Variants in RHOBTB3 observed in about 807,000 individuals in gnomAD.
The protein encoded by RHOBTB3 is Rho related BTB domain containing 3.
A neutral mutation model predicts 67.2 loss-of-function variants in RHOBTB3; 47 were observed. The ratio of observed to expected loss-of-function variants is 0.70; its 90% confidence interval spans 0.55 to 0.89. The LOEUF is 0.89. Ranked by LOEUF, RHOBTB3 falls within the 40% of genes least tolerant of loss-of-function variation. The probability of loss-of-function intolerance (pLI) is 0.00; values close to 1 mark genes in which losing one functional copy is unlikely to be tolerated. For missense variants in RHOBTB3, 631 were observed against 750.0 expected, an observed-to-expected ratio of 0.84 and a Z score of 1.85; for synonymous variants, 273 against 274.2, an observed-to-expected ratio of 1.00 and a Z score of 0.04.
chr5:95,763,464 C>A (rs759748932), intron 6 of RHOBTB3, 44 bp from the exon 7 acceptor site: 1 of 1,109,798 alleles, frequency 9.0e-7, no homozygotes, highest in Non-Finnish European at 1.4e-6. Flanking sequence ...TTTGTTACTT[C>A]CTCATTTAAC....
At chr5:95,741,881 A>C (rs1755612051) in intron 3 of RHOBTB3, among the ~76,000 whole-genome samples, 1 of 152,072 alleles carries the variant, frequency 6.6e-6, no homozygotes, top group South Asian at 2.1e-4. Context: ...TCTGCTCCCA[A>C]ATTTTTCTCT....
At chr5:95,785,750 A>G (rs1237044884) in intron 10 of RHOBTB3, among the ~76,000 whole-genome samples, 2 of 152,190 alleles carry the variant, frequency 1.3e-5, no homozygotes, top group East Asian at 3.9e-4. Context: ...TCATTTTCAT[A>G]CTATTCTAAC....
At chr5:95,764,031 A>G (rs2112809786) in intron 7 of RHOBTB3, among the ~76,000 whole-genome samples, 1 of 152,184 alleles carries the variant, frequency 6.6e-6, no homozygotes, top group Non-Finnish European at 1.5e-5. Flanking sequence ...GCTAGTCTCA[A>G]ACTCCTGGGC....
At chr5:95,770,407 T>C (rs1745674601) in intron 8 of RHOBTB3, 1 of 232,370 alleles carries the variant, frequency 4.3e-6, no homozygotes, top group Non-Finnish European at 9.0e-6. Flanking sequence ...ATAGAAATTA[T>C]TAAAAGAATA....
intron 3 of RHOBTB3, 147 bp downstream of exon 3, chr5:95,737,222 T>G: frequency 1.7e-6 from 1 of 574,708 alleles, no homozygotes; most frequent in Non-Finnish European, 3.0e-6. Context: ...CTTCATCATT[T>G]GATACGATAA....
chr5:95,729,866 T>A (rs893321165), upstream of RHOBTB3, among the ~76,000 whole-genome samples: 3 of 152,252 alleles, frequency 2.0e-5, no homozygotes, highest in Non-Finnish European at 4.4e-5. Flanking sequence ...TTTTAAACGC[T>A]AATCATCCAT....
chr5:95,771,896 A>G (rs1288368634), intron 8 of RHOBTB3, among the ~76,000 whole-genome samples: 1 of 152,210 alleles, frequency 6.6e-6, no homozygotes, highest in Non-Finnish European at 1.5e-5. Flanking sequence ...GACTACATCC[A>G]TTGTTAAGAA....
At chr5:95,738,493 C>T (rs1755512028) in intron 3 of RHOBTB3, among the ~76,000 whole-genome samples, 2 of 152,132 alleles carry the variant, frequency 1.3e-5, no homozygotes, top group Non-Finnish European at 2.9e-5. Flanking sequence ...GGACTCTGCC[C>T]TCGTAAATGG....
chr5:95,777,370 G>A (rs1021477988), intron 8 of RHOBTB3, among the ~76,000 whole-genome samples: 1 of 152,136 alleles, frequency 6.6e-6, no homozygotes, highest in African/African-American at 2.4e-5. Context: ...AAAGATTCTT[G>A]ATAATCTATG....
intron 8 of RHOBTB3, among the ~76,000 whole-genome samples, chr5:95,773,209 C>T (rs146684019): frequency 6.6e-6 from 1 of 152,304 alleles, no homozygotes; most frequent in Admixed American, 6.5e-5. Context: ...ATGATTCTAC[C>T]TACTGTAGGC....
intron 6 of RHOBTB3, among the ~76,000 whole-genome samples, chr5:95,760,436 A>G (rs903170409): frequency 3.9e-5 from 6 of 152,170 alleles, no homozygotes; most frequent in Non-Finnish European, 7.3e-5. Context: ...TTTAGCTTTG[A>G]GCTCTTCCTG....
chr5:95,784,612 G>A (rs569001862), intron 10 of RHOBTB3, among the ~76,000 whole-genome samples: 2 of 152,192 alleles, frequency 1.3e-5, no homozygotes, highest in East Asian at 3.9e-4. Context: ...GGGTGGGGGA[G>A]TTACATAATT....
chr5:95,783,105 T>TTTTTA (rs1165465013), intron 9 of RHOBTB3, among the ~76,000 whole-genome samples: 1 of 150,708 alleles, frequency 6.6e-6, no homozygotes, highest in Non-Finnish European at 1.5e-5. Context: ...TATTTATTTA[T>TTTTTA]TTTTATTTTA....
intron 9 of RHOBTB3, chr5:95,782,476 T>C (rs1017480310): frequency 1.3e-5 from 2 of 152,248 alleles, no homozygotes; most frequent in Middle Eastern, 3.4e-3. Flanking sequence ...TGCACAGCAG[T>C]GTGAATGTAC....
intron 6 of RHOBTB3, among the ~76,000 whole-genome samples, chr5:95,756,679 T>G (rs765276772): frequency 6.6e-6 from 1 of 152,192 alleles, no homozygotes; most frequent in Non-Finnish European, 1.5e-5. Context: ...CTGTTTATTT[T>G]TTTTAATAGT....
chr5:95,777,022 T>C (rs994418110), intron 8 of RHOBTB3, among the ~76,000 whole-genome samples: 1 of 152,204 alleles, frequency 6.6e-6, no homozygotes, highest in East Asian at 1.9e-4. Flanking sequence ...TCCCCTGTAA[T>C]AGGTGATCCT....
At chr5:95,755,826 G>T in intron 6 of RHOBTB3, 65 bp downstream of exon 6, 1 of 1,536,876 alleles carries the variant, frequency 6.5e-7, no homozygotes, top group South Asian at 1.2e-5. Context: ...ATGTGCCTGT[G>T]ACACTCAAGG....
intron 3 of RHOBTB3, among the ~76,000 whole-genome samples, chr5:95,747,203 G>C (rs1188110593): frequency 6.6e-6 from 1 of 152,158 alleles, no homozygotes; most frequent in African/African-American, 2.4e-5. Flanking sequence ...ATACAGCTCA[G>C]CTACCTCCTT....
intron 3 of RHOBTB3, among the ~76,000 whole-genome samples, chr5:95,740,494 G>A (rs1286072944): frequency 6.6e-6 from 1 of 152,210 alleles, no homozygotes; most frequent in Non-Finnish European, 1.5e-5. Context: ...AAGTGATTTG[G>A]AGTGGAAAGA....
Sources: gnomAD v4.1 joint callset for allele counts (sites outside exome capture counted in the v4.1 genomes callset) on GRCh38, gnomAD v4.1.1 for gene constraint, MANE v1.5 for transcripts, NCBI Gene and HGNC (gene_info 2026-07-23, HGNC 2026-07-21) for gene names.